LHX6: variants seen among roughly 807,000 people sequenced by gnomAD.
The protein encoded by LHX6 is LIM/homeobox protein Lhx6.
A neutral mutation model predicts 47.1 loss-of-function variants in LHX6; 15 were observed. The ratio of observed to expected loss-of-function variants is 0.32; its 90% confidence interval spans 0.21 to 0.49. LHX6 has a LOEUF of 0.49. Ranked by LOEUF, LHX6 falls within the 20% of genes least tolerant of loss-of-function variation. LHX6 has a pLI of 0.99. For missense variants in LHX6, 404 were observed against 539.6 expected (o/e 0.75, Z 2.49); for synonymous variants, 242 against 233.5 (o/e 1.04, Z -0.33).
chr9:122,215,600 G>A (rs2118861861), intron 5 of LHX6, among the ~76,000 whole-genome samples: 1 of 152,266 alleles, frequency 6.6e-6, no homozygotes, highest in South Asian at 2.1e-4. Flanking sequence ...CCACAGTGTG[G>A]GAAAGCTCTG....
chr9:122,225,695 G>T (rs1207107594), intron 4 of LHX6, among the ~76,000 whole-genome samples: 4 of 152,276 alleles, frequency 2.6e-5, no homozygotes, highest in Non-Finnish European at 5.9e-5. Context: ...TGGAACAGGC[G>T]CTGGGGGCCT....
At chr9:122,210,100 T>G (rs1386640765) in intron 8 of LHX6, among the ~76,000 whole-genome samples, 2 of 152,162 alleles carry the variant, frequency 1.3e-5, no homozygotes, top group African/African-American at 2.4e-5. Flanking sequence ...GGTCTTGATC[T>G]GACCTCATGG....
chr9:122,213,842 A>G lies in LHX6; in HGVS notation c.880-62T>C. The G allele has an allele frequency of 1.3e-6, 2 of 1,533,240 alleles. No homozygotes were observed. The highest frequency in any genetic ancestry group is 1.8e-6 in the Non-Finnish European group (2 of 1,136,156). The allele number at this position is 1,533,240 out of a possible 1,614,324, so 95.0% of individuals were successfully genotyped here. The stretch of plus-strand genomic sequence containing the variant: ...AAAGAGTCGGACGCGCCGCCGGGAG[A>G]CCCCAGGCGGGACTGCCTCGTCGCC... On this transcript the variant is annotated intron_variant, in intron 7 of 9. Transcript: ENST00000394319. The surrounding 1 kb of genome is among the most constrained non-coding windows in gnomAD (Gnocchi z 5.5).
At chr9:122,208,834 TAAAAAA>T (rs34355404) in intron 9 of LHX6, among the ~76,000 whole-genome samples, 98 of 117,262 alleles carry the variant, frequency 8.4e-4, no homozygotes, top group South Asian at 8.4e-4. Context: ...AAACTCTGTC[TAAAAAA>T]AAAAAAAAAA....
chr9:122,214,504 G>C lies in LHX6; in HGVS notation c.683-121C>G. 7.5e-7 allele frequency: 1 copy of C among 1,325,074 alleles called. No homozygotes were observed. The highest frequency in any genetic ancestry group is 9.8e-7 in the Non-Finnish European group (1 of 1,018,276). The allele number at this position is 1,325,074 out of a possible 1,614,324, so 82.1% of individuals were successfully genotyped here. A position where few individuals can be genotyped will look rare whatever the true frequency, so the allele number is the denominator to read the frequency against. ...CAGGAGCGGGAGTTGGCTGGGAGCA[G>C]GGATCCCAGGGTCCTAGTCCCTGAG... is the stretch of plus-strand genomic sequence containing the variant. On this transcript the variant is annotated intron_variant, in intron 5 of 9. Transcript: ENST00000394319. The surrounding 1 kb of genome is among the most constrained non-coding windows in gnomAD (Gnocchi z 4.6).
At position 122,214,003 on chromosome 9, in the gene LHX6, T is replaced by G. The variant is rs761309017; in HGVS notation, c.850A>C (p.Met284Leu). 7 of 1,532,814 alleles carry G rather than the reference T, an allele frequency of 4.6e-6. No individual in the cohort carries two copies. Among genetic ancestry groups the G allele is most frequent in the Non-Finnish European group, 6.2e-6 (7 of 1,134,134 alleles). 95.0% of individuals were successfully genotyped at this position (1,532,814 alleles called of 1,614,324 possible). Residue 284 changes from methionine to leucine, a missense_variant, in exon 7 of 10, where the codon ATG becomes CTG. Met to Leu is a conservative substitution (Grantham distance 15). Around this residue, in one of 7 missense-constraint regions of LHX6, gnomAD observed 23 missense variants for 28.6 expected, o/e 0.80. Transcript: ENST00000394319. This position sits in a 1 kb window ranked among gnomAD's most constrained non-coding sequence, Gnocchi z 4.6. ...ATGACTCTCCGGCTGAGGCCCGTCA[T>G]GTCCGCCAGCTTCTGCAGCGTCTGA... Reference protein sequence around the residue: ...DAQTLQKLADMTGLSRRVIQV... With the variant: ...DAQTLQKLADLTGLSRRVIQV...
chr9:122,228,829 CAGGAG>C lies in LHX6; in HGVS notation c.-94_-90del. ...GCCGCAGTGGGAGCAGAGGCTGCTG[CAGGAG>C]CAGGAGGAGAGCCGAGGCGCCGGCC... On this transcript the variant is annotated 5_prime_UTR_variant, in exon 1 of 10. Transcript: ENST00000394319. 1.1e-6 allele frequency: 1 copy of C among 911,236 alleles called. No homozygotes were observed. Among genetic ancestry groups the C allele is most frequent in the Non-Finnish European group, 1.4e-6 (1 of 704,932 alleles). The allele number at this position is 911,236 out of a possible 1,614,324, so 56.4% of individuals were successfully genotyped here.
intron 8 of LHX6, among the ~76,000 whole-genome samples, chr9:122,211,520 T>G (rs1264587872): frequency 6.6e-6 from 1 of 152,218 alleles, no homozygotes; most frequent in East Asian, 1.9e-4. Context: ...TCTAACACTT[T>G]CATTAGCTTC....
intron 5 of LHX6, among the ~76,000 whole-genome samples, chr9:122,215,131 A>T (rs1271463570): frequency 6.6e-6 from 1 of 152,262 alleles, no homozygotes; most frequent in Non-Finnish European, 1.5e-5. Context: ...TTCCATAAGC[A>T]CAAAGAAGAA....
Position 122,226,818 on chromosome 9 carries a change from A to G in LHX6, c.339+30T>C. The G allele has an allele frequency of 6.4e-7, 1 of 1,550,744 alleles. No homozygotes were observed. Among genetic ancestry groups the G allele is most frequent in the Non-Finnish European group, 8.7e-7 (1 of 1,147,304 alleles). ...CTGCGCTGCGTCCCACGCCCCGACA[A>G]CACGCACGCAACACCTACCCCTGTC... is the stretch of plus-strand genomic sequence containing the variant. On this transcript the variant is annotated intron_variant, in intron 3 of 9. Coordinates refer to ENST00000394319, the MANE Select transcript of LHX6 (RefSeq NM_014368.5). The surrounding 1 kb of genome is among the most constrained non-coding windows in gnomAD (Gnocchi z 6.5).
chr9:122,214,473 A>G lies in LHX6; in HGVS notation c.683-90T>C. 7.1e-7 allele frequency: 1 copy of G among 1,416,042 alleles called. No individual in the cohort carries two copies. Among genetic ancestry groups the G allele is most frequent in the Non-Finnish European group, 9.2e-7 (1 of 1,089,872 alleles). 87.7% of individuals were successfully genotyped at this position (1,416,042 alleles called of 1,614,324 possible). A position where few individuals can be genotyped will look rare whatever the true frequency, so the allele number is the denominator to read the frequency against. On this transcript the variant is annotated intron_variant, in intron 5 of 9. Transcript: ENST00000394319. The surrounding 1 kb of genome is among the most constrained non-coding windows in gnomAD (Gnocchi z 4.6). ...GGGGGTGGGGGGAGCTTGTCCCTGG[A>G]AGGGTCAGGAGCGGGAGTTGGCTGG...
In LHX6 at chr9:122,226,268, T is replaced by TCGGG; in HGVS notation, c.461+104_461+107dup. 1 of 1,410,626 alleles carries TCGGG rather than the reference T, an allele frequency of 7.1e-7. No individual in the cohort carries two copies. The allele number at this position is 1,410,626 out of a possible 1,614,324, so 87.4% of individuals were successfully genotyped here. On this transcript the variant is annotated intron_variant, in intron 4 of 9. Coordinates refer to ENST00000394319, the MANE Select transcript of LHX6 (RefSeq NM_014368.5). This position sits in a 1 kb window ranked among gnomAD's most constrained non-coding sequence, Gnocchi z 6.5. ...CCAGCGCTGCGCGCCGGAAGTGCAC[T>TCGGG]CGGGACGCCGGGGTTCTGGAGGAGA...
intron 4 of LHX6, among the ~76,000 whole-genome samples, chr9:122,220,787 C>T (rs1335144091): frequency 1.3e-5 from 2 of 152,224 alleles, no homozygotes; most frequent in Admixed American, 6.5e-5. Context: ...GCAGTGCCCT[C>T]TACCCCCTGA....
intron 4 of LHX6, among the ~76,000 whole-genome samples, chr9:122,225,123 C>G (rs950632985): frequency 2.0e-5 from 3 of 152,190 alleles, no homozygotes; most frequent in Admixed American, 1.3e-4. Context: ...AGGAGGAGAT[C>G]GCCTTCCACC....
At chr9:122,206,871 C>A (rs1830199582) in intron 9 of LHX6, among the ~76,000 whole-genome samples, 1 of 152,226 alleles carries the variant, frequency 6.6e-6, no homozygotes, top group Admixed American at 6.5e-5. Flanking sequence ...CCGGCCCAAG[C>A]TCCTCCATGC....
At chr9:122,216,535 TC>T (rs1316932262) in intron 5 of LHX6, among the ~76,000 whole-genome samples, 3 of 152,188 alleles carry the variant, frequency 2.0e-5, no homozygotes, top group Admixed American at 6.5e-5. Context: ...AGAAACCTGG[TC>T]CTTTCCCCTT....
Position 122,217,010 on chromosome 9 carries a change from G to A in LHX6, c.682+58C>T. On this transcript the variant is annotated intron_variant, in intron 5 of 9. Coordinates refer to ENST00000394319, the MANE Select transcript of LHX6 (RefSeq NM_014368.5). This position sits in a 1 kb window ranked among gnomAD's most constrained non-coding sequence, Gnocchi z 4.9. ...TGTGGGTGGTTCCTGGGGTGCTGGG[G>A]TGGGGTGGGGTGGGAAAGGGCTGGG... The A allele has an allele frequency of 7.2e-7, 1 of 1,393,492 alleles. No homozygotes were observed. Among genetic ancestry groups the A allele is most frequent in the Non-Finnish European group, 1.0e-6 (1 of 992,394 alleles). 86.3% of individuals were successfully genotyped at this position (1,393,492 alleles called of 1,614,324 possible). A position where few individuals can be genotyped will look rare whatever the true frequency, so the allele number is the denominator to read the frequency against.
chr9:122,207,130 T>C (rs1336272875), intron 9 of LHX6, among the ~76,000 whole-genome samples: 1 of 152,104 alleles, frequency 6.6e-6, no homozygotes, highest in Non-Finnish European at 1.5e-5. Context: ...ATGAATCCCC[T>C]CCCACAGGAA....
chr9:122,217,609 G>T lies in LHX6; in HGVS notation c.462-321C>A, dbSNP rs1370676437. ...ACACAATAATAGTAATAATAAGCAA[G>T]TTGTTGAGCACTTACCACTTGCCCA... is the stretch of plus-strand genomic sequence containing the variant. On this transcript the variant is annotated intron_variant, in intron 4 of 9. Transcript: ENST00000394319. The surrounding 1 kb of genome is among the most constrained non-coding windows in gnomAD (Gnocchi z 4.9). Among the ~76,000 whole-genome samples, 1 of 152,234 alleles carries T rather than the reference G, an allele frequency of 6.6e-6. No individual in the cohort carries two copies. Among genetic ancestry groups the T allele is most frequent in the Non-Finnish European group, 1.5e-5 (1 of 68,034 alleles).
Sources: gnomAD v4.1 joint callset for allele counts (sites outside exome capture counted in the v4.1 genomes callset) on GRCh38, gnomAD v4.1.1 for gene constraint, gnomAD v4.1.1 regional missense constraint, Gnocchi (gnomAD v3.1) non-coding constraint, MANE v1.5 for transcripts, NCBI Gene and HGNC (gene_info 2026-07-23, HGNC 2026-07-21) for gene names.